PCCA: variants seen among roughly 807,000 people sequenced by gnomAD.
PCCA encodes the protein propionyl-CoA carboxylase alpha chain, mitochondrial.
Under a neutral mutation model 101.3 loss-of-function variants are expected in PCCA, and 74 were observed. That is an observed-to-expected ratio of 0.73 (90% CI 0.61 to 0.89). The LOEUF is 0.89. PCCA is among the 40% of genes least tolerant of loss of function. PCCA has a pLI of 0.00. For missense variants in PCCA, 891 were observed against 907.0 expected (o/e 0.98, Z 0.23); for synonymous variants, 294 against 313.6 (o/e 0.94, Z 0.66).
intron 22 of PCCA, among the ~76,000 whole-genome samples, chr13:100,516,366 G>A (rs1217106322): frequency 1.3e-5 from 2 of 152,188 alleles, no homozygotes; most frequent in Non-Finnish European, 2.9e-5. Context: ...TTACATTTTA[G>A]TGCCTCCTGA....
chr13:100,283,064 G>A (rs1034347991), intron 12 of PCCA, among the ~76,000 whole-genome samples: 1 of 151,970 alleles, frequency 6.6e-6, no homozygotes. Flanking sequence ...GATCAAGGCA[G>A]ACCTGGGGAA....
In PCCA at chr13:100,449,231, T is replaced by C. The variant is rs370507215; in HGVS notation, c.1846-21T>C. ...GCTGTGCAGATATGAGTTCATTTTA[T>C]ATCTCTTGTTTGTTTTTTAGTGTCT... On this transcript the variant is annotated intron_variant, in intron 20 of 23. Transcript: ENST00000376285. The C allele has an allele frequency of 1.1e-4, 161 of 1,504,566 alleles. No homozygotes were observed. In the African/African-American group the frequency reaches 1.8e-3, roughly 17 times the overall value. The allele number at this position is 1,504,566 out of a possible 1,614,324, so 93.2% of individuals were successfully genotyped here. A position where few individuals can be genotyped will look rare whatever the true frequency, so the allele number is the denominator to read the frequency against.
intron 8 of PCCA, among the ~76,000 whole-genome samples, chr13:100,257,207 T>C (rs2062132920): frequency 6.6e-6 from 1 of 152,216 alleles, no homozygotes; most frequent in Admixed American, 6.5e-5. Flanking sequence ...AAAGGGAATT[T>C]GTTATGCATG....
chr13:100,147,437 A>G (rs2052717691), intron 4 of PCCA, among the ~76,000 whole-genome samples: 1 of 152,178 alleles, frequency 6.6e-6, no homozygotes, highest in South Asian at 2.1e-4. Flanking sequence ...TTAAGATCCC[A>G]TGACTTTTGG....
chr13:100,418,726 C>A (rs996024216), intron 19 of PCCA, among the ~76,000 whole-genome samples: 1 of 151,526 alleles, frequency 6.6e-6, no homozygotes, highest in Non-Finnish European at 1.5e-5. Context: ...CCCAACTACT[C>A]GGGAGGCTGA....
intron 12 of PCCA, among the ~76,000 whole-genome samples, chr13:100,274,232 T>C (rs1405985055): frequency 1.3e-5 from 2 of 152,228 alleles, no homozygotes; most frequent in Non-Finnish European, 2.9e-5. Context: ...TTTGTTTGTT[T>C]TTTAAAACTA....
intron 21 of PCCA, among the ~76,000 whole-genome samples, chr13:100,506,830 G>A (rs921260805): frequency 8.5e-5 from 13 of 152,148 alleles, no homozygotes; most frequent in Middle Eastern, 3.2e-3. Flanking sequence ...CTTCCTCACC[G>A]CGGTGCTTAT....
chr13:100,401,713 C>G (rs954978912), intron 19 of PCCA, among the ~76,000 whole-genome samples: 10 of 152,118 alleles, frequency 6.6e-5, no homozygotes, highest in African/African-American at 2.4e-4. Flanking sequence ...CTGGTAAGTG[C>G]TACCAAAACC....
At chr13:100,381,813 T>G (rs1005556679) in intron 19 of PCCA, among the ~76,000 whole-genome samples, 2 of 152,196 alleles carry the variant, frequency 1.3e-5, no homozygotes, top group African/African-American at 2.4e-5. Flanking sequence ...GGGATCAAAC[T>G]CCACTCATTT....
chr13:100,320,168 A>G (rs1232054971), intron 16 of PCCA, among the ~76,000 whole-genome samples: 3 of 152,174 alleles, frequency 2.0e-5, no homozygotes, highest in Non-Finnish European at 4.4e-5. Context: ...ATTTTTGCAC[A>G]TTGATTTTGT....
intron 19 of PCCA, among the ~76,000 whole-genome samples, chr13:100,393,010 C>T (rs942394687): frequency 6.6e-6 from 1 of 152,148 alleles, no homozygotes; most frequent in South Asian, 2.1e-4. Flanking sequence ...TCCTGCTTCT[C>T]TTTTTACTAA....
chr13:100,235,111 C>T (rs1440668883), intron 7 of PCCA, among the ~76,000 whole-genome samples: 1 of 151,996 alleles, frequency 6.6e-6, no homozygotes, highest in Admixed American at 6.6e-5. Context: ...TAATATTTAG[C>T]AATAACTAAT....
intron 19 of PCCA, among the ~76,000 whole-genome samples, chr13:100,395,924 C>T (rs899738159): frequency 6.6e-5 from 10 of 152,126 alleles, no homozygotes; most frequent in African/African-American, 2.4e-4. Flanking sequence ...AAAAAAGAAA[C>T]GTCAGTCTTT....
chr13:100,505,975 C>T (rs1014187704), intron 21 of PCCA, among the ~76,000 whole-genome samples: 12 of 151,968 alleles, frequency 7.9e-5, no homozygotes, highest in Non-Finnish European at 1.5e-4. Flanking sequence ...TTGCTAGGTG[C>T]GCTGCAGATC....
intron 20 of PCCA, among the ~76,000 whole-genome samples, chr13:100,443,669 A>G (rs972650741): frequency 6.7e-6 from 1 of 148,312 alleles, no homozygotes; most frequent in Non-Finnish European, 1.5e-5. Context: ...TTTTTTTTTA[A>G]TCTCAGGACC....
At chr13:100,454,887 A>T (rs530169143) in intron 21 of PCCA, among the ~76,000 whole-genome samples, 42 of 151,966 alleles carry the variant, frequency 2.8e-4, no homozygotes, top group Non-Finnish European at 4.1e-4. Flanking sequence ...TCATTACTTT[A>T]AAAAAAATGC....
intron 20 of PCCA, among the ~76,000 whole-genome samples, chr13:100,434,210 C>G (rs2783227): frequency 0.98 from 149,008 of 152,284 alleles, 72,937 homozygotes; most frequent in East Asian, 1. Flanking sequence ...TTAGAGTCCT[C>G]TTTCTGGTTT....
At chr13:100,320,232 G>T (rs1427873038) in intron 16 of PCCA, among the ~76,000 whole-genome samples, 1 of 152,154 alleles carries the variant, frequency 6.6e-6, no homozygotes, top group Non-Finnish European at 1.5e-5. Flanking sequence ...GGGCTGAGAT[G>T]ATAGGGTTTT....
chr13:100,159,724 C>T (rs1464547921), intron 6 of PCCA, among the ~76,000 whole-genome samples: 5 of 152,150 alleles, frequency 3.3e-5, no homozygotes, highest in African/African-American at 7.2e-5. Flanking sequence ...TCCCTTTTAT[C>T]AGTGCTGTGC....
Sources: gnomAD v4.1 joint callset for allele counts (sites outside exome capture counted in the v4.1 genomes callset) on GRCh38, gnomAD v4.1.1 for gene constraint, MANE v1.5 for transcripts, NCBI Gene and HGNC (gene_info 2026-07-23, HGNC 2026-07-21) for gene names.